EPHA8: variants seen among roughly 807,000 people sequenced by gnomAD.
EPHA8 encodes the protein ephrin type-A receptor 8.
A neutral mutation model predicts 103.6 loss-of-function variants in EPHA8; 58 were observed. The observed-to-expected ratio is 0.56, with a 90% confidence interval of 0.45 to 0.70. The LOEUF (loss-of-function observed/expected upper bound fraction) is 0.70. Among genes scored for constraint, EPHA8 ranks in the 30% least tolerant of loss-of-function variants. The pLI, the probability that EPHA8 is intolerant of heterozygous loss-of-function variation, is 0.00. For missense variants in EPHA8, 1,304 were observed against 1,395.2 expected (o/e 0.93, Z 1.04); for synonymous variants, 559 against 572.5 (o/e 0.98, Z 0.34).
At chr1:22,579,227 ATG>A (rs764214244) in intron 3 of EPHA8, among the ~76,000 whole-genome samples, 36 of 147,290 alleles carry the variant, frequency 2.4e-4, no homozygotes, top group Non-Finnish European at 3.9e-4. Context: ...GTATGTATGC[ATG>A]TGTGTGCATG....
intron 13 of EPHA8, 83 bp downstream of exon 13, chr1:22,599,130 G>C: frequency 7.0e-7 from 1 of 1,433,850 alleles, no homozygotes; most frequent in Non-Finnish European, 9.5e-7. Flanking sequence ...CATTCTGCAA[G>C]TAGCTGAATG....
At chr1:22,593,244 C>T (rs890876378) in intron 5 of EPHA8, 82 bp from the exon 6 acceptor site, 2 of 1,507,924 alleles carry the variant, frequency 1.3e-6, no homozygotes, top group Non-Finnish European at 1.8e-6. Context: ...AACCAGGATC[C>T]CCAGGTGGAA....
chr1:22,600,533 C>G, intron 13 of EPHA8, 128 bp from the exon 14 acceptor site: 2 of 1,270,836 alleles, frequency 1.6e-6, no homozygotes, highest in Non-Finnish European at 2.2e-6. Context: ...TGCTCTGGGA[C>G]GGTGGGGGCT....
Position 22,601,996 on chromosome 1 carries a change from G to T in EPHA8, c.*255G>T. The T allele has an allele frequency of 1.8e-6, 1 of 569,116 alleles. No individual in the cohort carries two copies. Among genetic ancestry groups the T allele is most frequent in the Non-Finnish European group, 3.1e-6 (1 of 325,420 alleles). 35.3% of individuals were successfully genotyped at this position (569,116 alleles called of 1,614,324 possible). A position where few individuals can be genotyped will look rare whatever the true frequency, so the allele number is the denominator to read the frequency against. ...CACCTTCTCTTTTCCAGAGCCTGGG[G>T]CCTCCACGTCACAGAGTCCAACAGG... On this transcript the variant is annotated 3_prime_UTR_variant, in exon 17 of 17. Transcript: ENST00000166244.
At chr1:22,600,176 GGA>G (rs1641678121) in intron 13 of EPHA8, among the ~76,000 whole-genome samples, 6 of 127,542 alleles carry the variant, frequency 4.7e-5, no homozygotes, top group African/African-American at 1.9e-4. Context: ...CAGGAAGGAA[GGA>G]AAGAAGGAGG....
In EPHA8 at chr1:22,597,152, C is replaced by A. The variant is rs1641539769; in HGVS notation, c.1766-160C>A. Among the ~76,000 whole-genome samples, 1 of 152,152 alleles carries A rather than the reference C, an allele frequency of 6.6e-6. No individual in the cohort carries two copies. Among genetic ancestry groups the A allele is most frequent in the Admixed American group, 6.5e-5 (1 of 15,284 alleles). ...AGAGCGACTCCAGAGACCCCACTTT[C>A]ACTTGGGAAATACTTATGGGGTGCG... On this transcript the variant is annotated intron_variant, in intron 9 of 16. Coordinates refer to ENST00000166244, the MANE Select transcript of EPHA8 (RefSeq NM_020526.5). The surrounding 1 kb of genome is among the most constrained non-coding windows in gnomAD (Gnocchi z 4.6).
rs748829132 is a variant in EPHA8, at chr1:22,593,405, G to A, written c.1395G>A (p.Gln465=). 6.3e-7 allele frequency: 1 copy of A among 1,592,854 alleles called. No homozygotes were observed. Among genetic ancestry groups the A allele is most frequent in the African/African-American group, 1.3e-5 (1 of 74,634 alleles). The part of the protein sequence containing the change: ...SVSLLWQEPE[Q]PNGIILEYEI... The stretch of plus-strand genomic sequence containing the variant: ...CGCTGCTGTGGCAGGAGCCCGAGCA[G>A]CCGAACGGCATCATCCTGGAGTATG... Residue 465 remains glutamine, a synonymous_variant, in exon 6 of 17, where the codon CAG becomes CAA. Coordinates refer to ENST00000166244, the MANE Select transcript of EPHA8 (RefSeq NM_020526.5).
Position 22,576,850 on chromosome 1 carries a change from G to A in EPHA8, c.793G>A (p.Gly265Ser), listed in dbSNP as rs772385874. The A allele has an allele frequency of 3.7e-6, 6 of 1,601,436 alleles. No homozygotes were observed. The highest frequency in any genetic ancestry group is 4.3e-6 in the Non-Finnish European group (5 of 1,172,020). Residue 265 changes from glycine to serine, a missense_variant, in exon 3 of 17, where the codon GGC (glycine) becomes AGC (serine). Gly to Ser is a moderately conservative substitution (Grantham distance 56, BLOSUM62 0). Transcript: ENST00000166244. The surrounding 1 kb of genome is among the most constrained non-coding windows in gnomAD (Gnocchi z 4.8). ...CATCGGCAAATGCGTGTGCAGTGCC[G>A]GCTACGAGGAGCGGCGGGATGCCTG... ...VPIGKCVCSA[G>S]YEERRDACVA...
chr1:22,590,785 G>T (rs11578578), intron 5 of EPHA8, among the ~76,000 whole-genome samples: 2 of 151,860 alleles, frequency 1.3e-5, no homozygotes, highest in Non-Finnish European at 2.9e-5. Flanking sequence ...CCCAACTCGC[G>T]GTCACCAGCG....
In EPHA8 at chr1:22,589,459, T is replaced by C. The variant is rs1641318428; in HGVS notation, c.1315+253T>C. Reference sequence around the variant, plus strand: ...TAGTGTGGCCGTCGAAAGCCTAGGTTCCAGAACTTTCCCTCTCTGTGCCTC... The same window carrying C: ...TAGTGTGGCCGTCGAAAGCCTAGGTCCCAGAACTTTCCCTCTCTGTGCCTC... On this transcript the variant is annotated intron_variant, in intron 5 of 16. Coordinates refer to ENST00000166244, the MANE Select transcript of EPHA8 (RefSeq NM_020526.5). The surrounding 1 kb of genome is among the most constrained non-coding windows in gnomAD (Gnocchi z 4.3). 2.7e-6 allele frequency: 4 copies of C among 1,485,828 alleles called. No individual in the cohort carries two copies. The highest frequency in any genetic ancestry group is 3.6e-6 in the Non-Finnish European group (4 of 1,126,680). The allele number at this position is 1,485,828 out of a possible 1,614,324, so 92.0% of individuals were successfully genotyped here.
rs758364805 is a variant in EPHA8 at position 22,567,554 on chromosome 1, C to A, written c.95-1735C>A. 1.3e-5 allele frequency among the ~76,000 whole-genome samples: 2 copies of A among 152,038 alleles called. No individual in the cohort carries two copies. Among genetic ancestry groups the A allele is most frequent in the Non-Finnish European group, 2.9e-5 (2 of 67,988 alleles). On this transcript the variant is annotated intron_variant, in intron 1 of 16. Transcript: ENST00000166244. This position sits in a 1 kb window ranked among gnomAD's most constrained non-coding sequence, Gnocchi z 4.2. Reference sequence around the variant, plus strand: ...CCAGGGAGGAATGCAGGGAGGAGCGCGGAGACCCCCTCCCTAGTTCTGCCA... The same window carrying A: ...CCAGGGAGGAATGCAGGGAGGAGCGAGGAGACCCCCTCCCTAGTTCTGCCA...
chr1:22,570,307 T>C (rs1314064782), intron 2 of EPHA8, among the ~76,000 whole-genome samples: 1 of 144,610 alleles, frequency 6.9e-6, no homozygotes, highest in Non-Finnish European at 1.5e-5. Flanking sequence ...TGCACACGTG[T>C]GCGTGTACAC....
rs1641601177 is a variant in EPHA8, at chr1:22,598,965, A to G, written c.2306A>G (p.Asp769Gly). The change falls in exon 13 of 17, where the codon GAC becomes GGC. Residue 769 changes from aspartate (D) to glycine (G), a missense_variant. Coordinates refer to ENST00000166244, the MANE Select transcript of EPHA8 (RefSeq NM_020526.5). This position sits in a 1 kb window ranked among gnomAD's most constrained non-coding sequence, Gnocchi z 5.1. Reference protein sequence around the residue: ...RDLAARNVLVDSNLVCKVSDF... With the variant: ...RDLAARNVLVGSNLVCKVSDF... Reference sequence around the variant, plus strand: ...CTGGCCGCCCGCAACGTCCTGGTTGACAGCAACCTGGTCTGCAAGGTGTCT... The same window carrying G: ...CTGGCCGCCCGCAACGTCCTGGTTGGCAGCAACCTGGTCTGCAAGGTGTCT... 4.3e-6 allele frequency: 7 copies of G among 1,609,822 alleles called. No homozygotes were observed. The South Asian group carries it at 5.5e-5, about 13-fold the overall frequency.
At position 22,598,721 on chromosome 1, in the gene EPHA8, G is replaced by T. The variant is rs1160933750; in HGVS notation, c.2179-117G>T. 2.0e-6 allele frequency: 2 copies of T among 1,022,068 alleles called. No individual in the cohort carries two copies. The highest frequency in any genetic ancestry group is 2.9e-6 in the Non-Finnish European group (2 of 696,698). 63.3% of individuals were successfully genotyped at this position (1,022,068 alleles called of 1,614,324 possible). On this transcript the variant is annotated intron_variant, in intron 12 of 16. Coordinates refer to ENST00000166244, the MANE Select transcript of EPHA8 (RefSeq NM_020526.5). This position sits in a 1 kb window ranked among gnomAD's most constrained non-coding sequence, Gnocchi z 5.1. The stretch of plus-strand genomic sequence containing the variant: ...GTGCTTCAGAAGTAGTGGCGCACTT[G>T]GCAAATTGCAAAGCACCGTCTCAAC...
At chr1:22,595,366 CACCGT>C in intron 8 of EPHA8, 43 bp downstream of exon 8, 1 of 1,543,056 alleles carries the variant, frequency 6.5e-7, no homozygotes, top group Middle Eastern at 1.7e-4. Flanking sequence ...TCCTCTCAAG[CACCGT>C]ACCTCCTGCC....
Position 22,576,769 on chromosome 1 carries a change from G to C in EPHA8, c.712G>C (p.Glu238Gln). ...EVRGQCVRHS[E>Q]ERDTPKMYCS... The stretch of plus-strand genomic sequence containing the variant: ...GAGGGGCCAGTGCGTGCGGCACTCA[G>C]AGGAGCGGGACACACCCAAGATGTA... Residue 238 changes from glutamate (E) to glutamine (Q), a missense_variant, in exon 3 of 17, where the codon GAG (glutamate) becomes CAG (glutamine). Glu to Gln is a conservative substitution (Grantham distance 29, BLOSUM62 2). Transcript: ENST00000166244. This position sits in a 1 kb window ranked among gnomAD's most constrained non-coding sequence, Gnocchi z 4.8. The C allele has an allele frequency of 1.2e-6, 2 of 1,613,814 alleles. No individual in the cohort carries two copies. Among genetic ancestry groups the C allele is most frequent in the Non-Finnish European group, 1.7e-6 (2 of 1,180,026 alleles).
At chr1:22,585,643 C>T (rs1641181514) in intron 3 of EPHA8, among the ~76,000 whole-genome samples, 2 of 152,188 alleles carry the variant, frequency 1.3e-5, no homozygotes, top group South Asian at 2.1e-4. Flanking sequence ...TGCATGATCA[C>T]GCAGGCAGCT....
rs1315992392 is a variant in EPHA8, at chr1:22,567,011, A to T, written c.95-2278A>T. ...TTTTGACTTATCTTTGGATTATCTG[A>T]TCCCCCTGGCTGGTTGATCAAGAAT... is the stretch of plus-strand genomic sequence containing the variant. On this transcript the variant is annotated intron_variant, in intron 1 of 16. Coordinates refer to ENST00000166244, the MANE Select transcript of EPHA8 (RefSeq NM_020526.5). This position sits in a 1 kb window ranked among gnomAD's most constrained non-coding sequence, Gnocchi z 4.2. Among the ~76,000 whole-genome samples, 1 of 152,102 alleles carries T rather than the reference A, an allele frequency of 6.6e-6. No individual in the cohort carries two copies. Among genetic ancestry groups the T allele is most frequent in the African/African-American group, 2.4e-5 (1 of 41,414 alleles).
chr1:22,579,974 C>T (rs1640996623), intron 3 of EPHA8, among the ~76,000 whole-genome samples: 1 of 152,094 alleles, frequency 6.6e-6, no homozygotes, highest in Non-Finnish European at 1.5e-5. Context: ...ATGACATAGG[C>T]TGACAGCCTC....
Sources: gnomAD v4.1 joint callset for allele counts (sites outside exome capture counted in the v4.1 genomes callset) on GRCh38, gnomAD v4.1.1 for gene constraint, Gnocchi (gnomAD v3.1) non-coding constraint, MANE v1.5 for transcripts, NCBI Gene and HGNC (gene_info 2026-07-23, HGNC 2026-07-21) for gene names.